Variants in LRRC20 observed in about 807,000 individuals in gnomAD.
LRRC20 encodes the protein leucine-rich repeat-containing protein 20.
A neutral mutation model predicts 14.4 loss-of-function variants in LRRC20; 11 were observed. That is an observed-to-expected ratio of 0.77 (90% confidence interval 0.48 to 1.27). The LOEUF (loss-of-function observed/expected upper bound fraction) is 1.27. Among genes scored for constraint, LRRC20 ranks in the 50% most tolerant of loss-of-function variants. The pLI, the probability that LRRC20 is intolerant of heterozygous loss-of-function variation, is 0.00. For synonymous variants in LRRC20, 121 were observed against 107.3 expected (o/e 1.13, Z -0.79); for missense variants, 219 against 251.2 (o/e 0.87, Z 0.87).
At chr10:70,380,171 A>C (rs1844653799) in intron 1 of LRRC20, among the ~76,000 whole-genome samples, 1 of 152,170 alleles carries the variant, frequency 6.6e-6, no homozygotes, top group Non-Finnish European at 1.5e-5. Flanking sequence ...CAGACGTCCT[A>C]TTGTGTGGGT....
intron 4 of LRRC20, among the ~76,000 whole-genome samples, chr10:70,314,952 C>T (rs967872945): frequency 1.3e-5 from 2 of 152,176 alleles, no homozygotes; most frequent in Admixed American, 6.5e-5. Context: ...AAATCTCTCC[C>T]GTGCAAAGCA....
chr10:70,317,966 G>A (rs920192164), intron 4 of LRRC20, among the ~76,000 whole-genome samples: 1 of 152,212 alleles, frequency 6.6e-6, no homozygotes, highest in African/African-American at 2.4e-5. Context: ...GAGGGTTGGT[G>A]GGTCTAACGG....
intron 2 of LRRC20, among the ~76,000 whole-genome samples, chr10:70,347,815 T>G (rs1843131954): frequency 1.0e-5 from 1 of 98,566 alleles, no homozygotes; most frequent in African/African-American, 3.7e-5. Context: ...CGAGACTCCG[T>G]CTCAAAAAAA....
chr10:70,363,252 G>C (rs1843821783), intron 2 of LRRC20, among the ~76,000 whole-genome samples: 1 of 150,704 alleles, frequency 6.6e-6, no homozygotes, highest in Non-Finnish European at 1.5e-5. Context: ...GGGAAGGGTG[G>C]AGGGGAGGGA....
chr10:70,306,072 T>C (rs1341772021), intron 4 of LRRC20, among the ~76,000 whole-genome samples: 1 of 151,448 alleles, frequency 6.6e-6, no homozygotes, highest in East Asian at 1.9e-4. Context: ...TTTTATCCTA[T>C]TTGCTCTATC....
At chr10:70,348,465 A>C (rs962500142) in intron 2 of LRRC20, among the ~76,000 whole-genome samples, 5 of 152,196 alleles carry the variant, frequency 3.3e-5, no homozygotes, top group African/African-American at 1.2e-4. Context: ...ACCATAAACA[A>C]CACCACTTAC....
chr10:70,315,671 A>C (rs931142710), intron 4 of LRRC20, among the ~76,000 whole-genome samples: 2 of 152,194 alleles, frequency 1.3e-5, no homozygotes, highest in Non-Finnish European at 1.5e-5. Flanking sequence ...CCCCCCACAG[A>C]GGATCAGGGT....
rs201562678 is a variant in LRRC20, at chr10:70,340,521, T to C, written c.232+32A>G. On this transcript the variant is annotated intron_variant, in intron 3 of 4. Transcript: ENST00000446961. ...GAGCCTGAACGATGAGAGCTGGCCA[T>C]GCCCTCCTGGCTGGAGCTGACCAGG... The C allele has an allele frequency of 9.3e-4, 1,493 of 1,613,314 alleles. 1 individual carries two copies. The highest frequency in any genetic ancestry group is 1.1e-3 in the Non-Finnish European group (1,336 of 1,179,736).
chr10:70,336,815 T>C (rs1233849473), intron 3 of LRRC20, among the ~76,000 whole-genome samples: 2 of 152,200 alleles, frequency 1.3e-5, no homozygotes, highest in Non-Finnish European at 2.9e-5. Flanking sequence ...GTGTGTCTCC[T>C]ACACCTCTGG....
chr10:70,349,996 C>T (rs1036090082), intron 2 of LRRC20, among the ~76,000 whole-genome samples: 3 of 152,212 alleles, frequency 2.0e-5, no homozygotes, highest in African/African-American at 7.2e-5. Flanking sequence ...TGAGCCACAG[C>T]ATGAGCAAAG....
intron 2 of LRRC20, among the ~76,000 whole-genome samples, chr10:70,352,455 A>C (rs1843347812): frequency 6.6e-6 from 1 of 152,254 alleles, no homozygotes; most frequent in Non-Finnish European, 1.5e-5. Context: ...ATTAGCAGGC[A>C]GAGCACAGAG....
intron 4 of LRRC20, among the ~76,000 whole-genome samples, chr10:70,314,334 A>C (rs1255870828): frequency 2.0e-5 from 3 of 152,110 alleles, no homozygotes; most frequent in East Asian, 3.9e-4. Flanking sequence ...TCCCCAACCC[A>C]ACCAATCAGC....
chr10:70,307,025 T>C (rs542177802), intron 4 of LRRC20, among the ~76,000 whole-genome samples: 6 of 152,346 alleles, frequency 3.9e-5, no homozygotes, highest in Admixed American at 2.6e-4. Context: ...TCCAGCACTT[T>C]TTGGATGCAC....
intron 3 of LRRC20, among the ~76,000 whole-genome samples, chr10:70,336,652 A>G (rs1842733807): frequency 1.3e-5 from 2 of 152,206 alleles, no homozygotes; most frequent in African/African-American, 4.8e-5. Context: ...AGAGTACCTG[A>G]AGTCTTCCCT....
intron 4 of LRRC20, among the ~76,000 whole-genome samples, chr10:70,314,490 G>A (rs1469281159): frequency 6.6e-6 from 1 of 152,154 alleles, no homozygotes; most frequent in Non-Finnish European, 1.5e-5. Flanking sequence ...AAAACCTGCT[G>A]TTCTCAGTGA....
At chr10:70,358,554 C>A (rs941812779) in intron 2 of LRRC20, among the ~76,000 whole-genome samples, 1 of 152,238 alleles carries the variant, frequency 6.6e-6, no homozygotes, top group Non-Finnish European at 1.5e-5. Flanking sequence ...GAAGCAGCAA[C>A]AAATGTCGCC....
At chr10:70,349,880 C>T (rs1009948007) in intron 2 of LRRC20, among the ~76,000 whole-genome samples, 1 of 152,152 alleles carries the variant, frequency 6.6e-6, no homozygotes, top group African/African-American at 2.4e-5. Flanking sequence ...CCTGGGGAAT[C>T]CCTCCTCAGT....
At chr10:70,346,997 C>T (rs1416599276) in intron 2 of LRRC20, among the ~76,000 whole-genome samples, 1 of 152,066 alleles carries the variant, frequency 6.6e-6, no homozygotes, top group Non-Finnish European at 1.5e-5. Flanking sequence ...GTGATTCTCC[C>T]ACCTCAGCCT....
At chr10:70,377,778 C>A (rs1308330604) in intron 1 of LRRC20, among the ~76,000 whole-genome samples, 1 of 152,226 alleles carries the variant, frequency 6.6e-6, no homozygotes, top group East Asian at 1.9e-4. Flanking sequence ...CAAGCCAGGG[C>A]TGGCCAAGCC....
Sources: gnomAD v4.1 joint callset for allele counts (sites outside exome capture counted in the v4.1 genomes callset) on GRCh38, gnomAD v4.1.1 for gene constraint, MANE v1.5 for transcripts, NCBI Gene and HGNC (gene_info 2026-07-23, HGNC 2026-07-21) for gene names.